Variants in RBMS3 observed in about 807,000 individuals in gnomAD.
The protein encoded by RBMS3 is RNA binding motif single stranded interacting protein 3, also known as RNA-binding motif, single-stranded-interacting protein 3.
A neutral mutation model predicts 66.8 loss-of-function variants in RBMS3; 27 were observed. That is an observed-to-expected ratio of 0.40 (90% CI 0.30 to 0.56). The LOEUF (loss-of-function observed/expected upper bound fraction) is 0.56. Ranked by LOEUF, RBMS3 falls within the 20% of genes least tolerant of loss-of-function variation. RBMS3 has a pLI of 0.40. For synonymous variants in RBMS3, 188 were observed against 183.0 expected, an observed-to-expected ratio of 1.03 and a Z score of -0.22; for missense variants, 513 against 549.5, an observed-to-expected ratio of 0.93 and a Z score of 0.66.
intron 12 of RBMS3, among the ~76,000 whole-genome samples, chr3:29,949,187 G>A (rs190692003): frequency 6.6e-6 from 1 of 151,082 alleles, no homozygotes; most frequent in African/African-American, 2.4e-5. Flanking sequence ...TTTAGCCCAG[G>A]TTGTTTTTTG....
intron 4 of RBMS3, among the ~76,000 whole-genome samples, chr3:29,692,922 G>A (rs2052096257): frequency 6.6e-6 from 1 of 152,094 alleles, no homozygotes; most frequent in Non-Finnish European, 1.5e-5. Context: ...GCTCATTTAT[G>A]TTTTGGTACG....
chr3:29,553,540 C>G (rs1000902121), intron 3 of RBMS3, among the ~76,000 whole-genome samples: 1 of 151,984 alleles, frequency 6.6e-6, no homozygotes, highest in Non-Finnish European at 1.5e-5. Context: ...AATCTTGGGC[C>G]AGGTGGCTCT....
At chr3:29,850,991 A>G (rs945505192) in intron 6 of RBMS3, among the ~76,000 whole-genome samples, 3 of 152,154 alleles carry the variant, frequency 2.0e-5, no homozygotes, top group Non-Finnish European at 2.9e-5. Context: ...CCTTTTGCCT[A>G]CAACACTTTT....
intron 1 of RBMS3, among the ~76,000 whole-genome samples, chr3:29,430,765 G>A (rs1016901150): frequency 2.0e-5 from 3 of 152,172 alleles, no homozygotes; most frequent in African/African-American, 7.2e-5. Flanking sequence ...TGGCTCCCTG[G>A]TGGTTTTAAA....
intron 1 of RBMS3, among the ~76,000 whole-genome samples, chr3:29,400,335 T>A (rs1306175267): frequency 6.6e-6 from 1 of 152,024 alleles, no homozygotes; most frequent in Non-Finnish European, 1.5e-5. Flanking sequence ...GGACAATTAC[T>A]GTACAATTCC....
intron 13 of RBMS3, 54 bp from the exon 14 acceptor site, chr3:29,991,028 G>A: frequency 6.4e-7 from 1 of 1,562,014 alleles, no homozygotes; most frequent in Non-Finnish European, 8.8e-7. Flanking sequence ...CCTATCTAGA[G>A]AGGGCCCTTC....
chr3:29,587,316 G>C, intron 4 of RBMS3, 111 bp downstream of exon 4: 1 of 593,572 alleles, frequency 1.7e-6, no homozygotes, highest in East Asian at 3.5e-5. Flanking sequence ...GGAAGAAGGA[G>C]AGATTAAATA....
intron 12 of RBMS3, among the ~76,000 whole-genome samples, chr3:29,977,491 A>G (rs55935422): frequency 0.15 from 22,239 of 152,024 alleles, 1,909 homozygotes; most frequent in Middle Eastern, 0.22. Flanking sequence ...CAACTGAAAT[A>G]GGCAAAAACA....
chr3:29,997,619 C>T (rs1270945049), intron 14 of RBMS3, among the ~76,000 whole-genome samples: 12 of 151,388 alleles, frequency 7.9e-5, no homozygotes, highest in Admixed American at 7.9e-4. Flanking sequence ...TCAATATACG[C>T]AAATCAATAA....
At chr3:29,383,278 CT>C (rs1375634981) in intron 1 of RBMS3, among the ~76,000 whole-genome samples, 5 of 152,184 alleles carry the variant, frequency 3.3e-5, no homozygotes, top group Non-Finnish European at 7.3e-5. Flanking sequence ...AAATATTCCT[CT>C]GATTAGACTA....
chr3:29,680,720 G>A (rs182922460), intron 4 of RBMS3, among the ~76,000 whole-genome samples: 112 of 152,086 alleles, frequency 7.4e-4, no homozygotes, highest in African/African-American at 2.6e-3. Context: ...TTTATTATAT[G>A]CCCGTCACTC....
At chr3:29,977,678 T>A (rs1467748239) in intron 12 of RBMS3, among the ~76,000 whole-genome samples, 3 of 152,122 alleles carry the variant, frequency 2.0e-5, no homozygotes. Flanking sequence ...TCATAATAGG[T>A]AAAAACCATC....
intron 4 of RBMS3, among the ~76,000 whole-genome samples, chr3:29,646,019 T>C (rs1174759263): frequency 6.6e-6 from 1 of 152,232 alleles, no homozygotes; most frequent in African/African-American, 2.4e-5. Context: ...GTATTTTATA[T>C]TGGTAACATA....
At chr3:29,640,417 T>G (rs982484691) in intron 4 of RBMS3, among the ~76,000 whole-genome samples, 1 of 151,906 alleles carries the variant, frequency 6.6e-6, no homozygotes, top group African/African-American at 2.4e-5. Flanking sequence ...TTCTTAGACA[T>G]TTTAAACAAA....
intron 5 of RBMS3, among the ~76,000 whole-genome samples, chr3:29,752,336 G>A (rs1028010329): frequency 2.6e-5 from 4 of 152,082 alleles, no homozygotes; most frequent in Non-Finnish European, 5.9e-5. Context: ...TATGGGTACA[G>A]GGTGGAGGGT....
chr3:29,744,823 T>G (rs544183533), intron 5 of RBMS3, among the ~76,000 whole-genome samples: 1 of 151,544 alleles, frequency 6.6e-6, no homozygotes, highest in African/African-American at 2.4e-5. Flanking sequence ...ATTGGGAGAA[T>G]ACCTAGCCAA....
intron 3 of RBMS3, among the ~76,000 whole-genome samples, chr3:29,510,457 G>C (rs937436442): frequency 1.4e-4 from 21 of 152,274 alleles, no homozygotes; most frequent in Middle Eastern, 3.4e-3. Flanking sequence ...GCCTAGGTTA[G>C]CTCTTGGTAA....
chr3:29,988,642 G>T (rs943206050), intron 13 of RBMS3, among the ~76,000 whole-genome samples: 1 of 152,138 alleles, frequency 6.6e-6, no homozygotes, highest in African/African-American at 2.4e-5. Context: ...ATGCAGACTT[G>T]CTGGGCATGA....
intron 3 of RBMS3, 108 bp downstream of exon 3, chr3:29,488,607 G>A: frequency 1.1e-6 from 1 of 921,794 alleles, no homozygotes; most frequent in South Asian, 2.1e-5. Flanking sequence ...ACAATGCATA[G>A]TATGGAAAAC....
Sources: allele counts gnomAD v4.1 joint callset (sites outside exome capture counted in the v4.1 genomes callset), GRCh38; gene constraint gnomAD v4.1.1; transcripts MANE v1.5; gene names NCBI Gene and HGNC (gene_info 2026-07-23, HGNC 2026-07-21).